ZNF469: variants seen among roughly 807,000 people sequenced by gnomAD.
ZNF469 encodes zinc finger protein 469.
A neutral mutation model predicts 1.0 loss-of-function variants in ZNF469; 1 was observed. The observed-to-expected ratio is 1.00, with a 90% CI of 0.35 to 4.73. The LOEUF is 4.73. Ranked by LOEUF, ZNF469 falls within the 30% of genes most tolerant of loss-of-function variation. The probability of loss-of-function intolerance (pLI) is 0.16; values close to 1 mark genes in which losing one functional copy is unlikely to be tolerated. For synonymous variants in ZNF469, 2,703 were observed against 2,363.4 expected (o/e 1.14, Z -4.17); for missense variants, 6,100 against 5,356.3 (o/e 1.14, Z -4.33).
rs762160933 is a variant in ZNF469, at chr16:88,429,512, C to T, written c.2042C>T (p.Ala681Val). The change falls in exon 3 of 3, where the codon GCC becomes GTC. Residue 681 changes from alanine to valine, a missense_variant. Ala to Val is a moderately conservative substitution (Grantham distance 64). Coordinates refer to ENST00000565624, the MANE Select transcript of ZNF469 (RefSeq NM_001367624.2). The part of the protein sequence containing the change: ...FPADGLGAEG[A>V]FQCLEETPFP... ...GCAGATGGGCTGGGAGCCGAGGGTG[C>T]CTTCCAGTGCCTGGAGGAGACCCCA... 26 of 1,528,526 alleles carry T rather than the reference C, an allele frequency of 1.7e-5. No individual in the cohort carries two copies. The South Asian group carries it at 2.8e-4, about 16-fold the overall frequency. 94.7% of individuals were successfully genotyped at this position (1,528,526 alleles called of 1,614,324 possible). A position where few individuals can be genotyped will look rare whatever the true frequency, so the allele number is the denominator to read the frequency against.
At chr16:88,358,256 A>G in the ZNF469 span, among the ~76,000 whole-genome samples, 1 of 152,080 alleles carries the variant, frequency 6.6e-6, no homozygotes, top group South Asian at 2.1e-4. Context: ...AGGGGCTCGG[A>G]CCTCAGACCC....
the ZNF469 span, among the ~76,000 whole-genome samples, chr16:88,264,880 T>C: frequency 6.6e-6 from 1 of 152,062 alleles, no homozygotes; most frequent in Non-Finnish European, 1.5e-5. Context: ...TTCCAGTGGG[T>C]CTGGGGGCTC....
At chr16:88,269,120 AGGAGCAGGTGAAGGTGG>A in the ZNF469 span, among the ~76,000 whole-genome samples, 2 of 152,204 alleles carry the variant, frequency 1.3e-5, no homozygotes, top group Non-Finnish European at 2.9e-5. Flanking sequence ...TCTTTCCATG[AGGAGCAGGTGAAGGTGG>A]GGCAGGCACG....
At chr16:88,254,238 T>C in the ZNF469 span, among the ~76,000 whole-genome samples, 32,270 of 152,180 alleles carry the variant, frequency 0.21, 4,366 homozygotes, top group East Asian at 0.31. Context: ...TGATCGCCAA[T>C]TGTCCCTGCA....
At chr16:88,128,549 C>T in the ZNF469 span, among the ~76,000 whole-genome samples, 1 of 152,174 alleles carries the variant, frequency 6.6e-6, no homozygotes, top group Admixed American at 6.5e-5. Context: ...GGCCTGAGCT[C>T]CTAAGCAAAG....
chr16:88,312,489 C>T, the ZNF469 span, among the ~76,000 whole-genome samples: 5 of 152,192 alleles, frequency 3.3e-5, no homozygotes, highest in Middle Eastern at 3.2e-3. Context: ...TTCACTTGCT[C>T]GTGTGCCTGT....
chr16:88,190,423 C>A, the ZNF469 span, among the ~76,000 whole-genome samples: 417 of 152,394 alleles, frequency 2.7e-3, 1 homozygote, highest in Non-Finnish European at 4.6e-3. Flanking sequence ...ACTCATGCAA[C>A]AGGACAGGTG....
At chr16:88,102,052 CA>C in the ZNF469 span, among the ~76,000 whole-genome samples, 57 of 111,734 alleles carry the variant, frequency 5.1e-4, 3 homozygotes, top group African/African-American at 1.2e-3. Context: ...AAGTGACATT[CA>C]CCCCCCCACC....
At chr16:88,327,803 G>A in the ZNF469 span, among the ~76,000 whole-genome samples, 3 of 152,354 alleles carry the variant, frequency 2.0e-5, no homozygotes, top group South Asian at 4.1e-4. Context: ...CAGTGTGGTC[G>A]GAGCTGACTA....
the ZNF469 span, among the ~76,000 whole-genome samples, chr16:88,179,295 G>A: frequency 7.9e-5 from 12 of 152,304 alleles, no homozygotes; most frequent in African/African-American, 2.4e-4. Flanking sequence ...AGTCATGAAC[G>A]AGCCCTTGCT....
the ZNF469 span, among the ~76,000 whole-genome samples, chr16:88,367,812 C>T: frequency 4.6e-5 from 7 of 152,162 alleles, no homozygotes; most frequent in South Asian, 2.1e-4. Context: ...AACAATTCCA[C>T]GAAGAGACCA....
chr16:88,343,850 C>T, the ZNF469 span, among the ~76,000 whole-genome samples: 1 of 152,118 alleles, frequency 6.6e-6, no homozygotes. Flanking sequence ...ATGAGTTTTG[C>T]AGGGGACAAA....
Position 88,431,437 on chromosome 16 carries a change from C to A in ZNF469, c.3967C>A (p.Gln1323Lys). The A allele has an allele frequency of 6.5e-7, 1 of 1,550,382 alleles. No homozygotes were observed. The highest frequency in any genetic ancestry group is 2.4e-5 in the East Asian group (1 of 40,916). The change falls in exon 3 of 3, where the codon CAG becomes AAG. Residue 1323 changes from glutamine (Q) to lysine (K), a missense_variant. Physicochemically the swap from Gln to Lys is moderately conservative, Grantham distance 53 (BLOSUM62 1). Transcript: ENST00000565624. ...CAACAGCAAGGACCCCCCTGCCCGC[C>A]AGCCTGGAGAATTTCTGGCACCCGT... ...SHNSKDPPAR[Q>K]PGEFLAPVAN...
At position 88,428,517 on chromosome 16, in the gene ZNF469, C is replaced by T. The variant is rs550642046; in HGVS notation, c.1047C>T (p.Ser349=). 5.1e-5 allele frequency: 79 copies of T among 1,549,888 alleles called. No individual in the cohort carries two copies. The African/African-American group carries it at 8.3e-4, about 16-fold the overall frequency. ...AGCCAGGTGGCCTGAACCGCCACAG[C>T]GACCTCAGTGGTGCCCTCTCTTCCC... ...QGQPGGLNRH[S]DLSGALSSPG... is the part of the protein sequence containing the mutation. The change falls in exon 3 of 3, where the codon AGC becomes AGT. Residue 349 remains serine, a synonymous_variant. Coordinates refer to ENST00000565624, the MANE Select transcript of ZNF469 (RefSeq NM_001367624.2).
At chr16:88,116,732 G>C in the ZNF469 span, among the ~76,000 whole-genome samples, 1 of 152,144 alleles carries the variant, frequency 6.6e-6, no homozygotes, top group East Asian at 1.9e-4. Context: ...CAAAAAGCCT[G>C]TACATGCCAT....
chr16:88,410,953 C>T (rs543441940), intron 1 of ZNF469, among the ~76,000 whole-genome samples: 71 of 152,230 alleles, frequency 4.7e-4, no homozygotes, highest in African/African-American at 1.6e-3. Flanking sequence ...GGCTCGTGGC[C>T]GCCTCACTCC....
In ZNF469 at chr16:88,432,958, G is replaced by T. The variant is rs778548266; in HGVS notation, c.5488G>T (p.Ala1830Ser). The T allele has an allele frequency of 9.7e-6, 15 of 1,550,398 alleles. No homozygotes were observed. In the East Asian group the frequency reaches 3.2e-4, roughly 33 times the overall value. ...TWPFGASPSHAAQGHSAGRAG... is the reference protein window; with the variant it reads ...TWPFGASPSHSAQGHSAGRAG... ...GCCTTTTGGTGCCAGTCCCAGCCATGCTGCCCAGGGACATTCTGCAGGCAG... is the reference window on the plus strand; with the variant it reads ...GCCTTTTGGTGCCAGTCCCAGCCATTCTGCCCAGGGACATTCTGCAGGCAG... The change falls in exon 3 of 3, where the codon GCT (alanine) becomes TCT (serine). Residue 1830 changes from alanine to serine, a missense_variant. Physicochemically the swap from Ala to Ser is moderately conservative, Grantham distance 99. Coordinates refer to ENST00000565624, the MANE Select transcript of ZNF469 (RefSeq NM_001367624.2).
the ZNF469 span, among the ~76,000 whole-genome samples, chr16:88,112,437 G>A: frequency 3.3e-5 from 5 of 152,126 alleles, no homozygotes; most frequent in South Asian, 2.1e-4. Flanking sequence ...ACATCCTTGC[G>A]AGCATTTGTG....
the ZNF469 span, among the ~76,000 whole-genome samples, chr16:88,229,904 C>T: frequency 0.18 from 27,992 of 152,050 alleles, 2,886 homozygotes; most frequent in East Asian, 0.31. Context: ...CCCAGGGGCA[C>T]GGGGCCAGTG....
Sources: allele counts gnomAD v4.1 joint callset (sites outside exome capture counted in the v4.1 genomes callset), GRCh38; gene constraint gnomAD v4.1.1; transcripts MANE v1.5; gene names NCBI Gene and HGNC (gene_info 2026-07-23, HGNC 2026-07-21).